Variants in PTPRT observed in about 807,000 individuals in gnomAD.
PTPRT encodes receptor-type tyrosine-protein phosphatase T.
PTPRT carries 56 observed loss-of-function variants against 176.8 expected under a neutral mutation model. The ratio of observed to expected loss-of-function variants is 0.32; its 90% CI spans 0.26 to 0.40. The LOEUF is 0.40. PTPRT is among the 10% of genes least tolerant of loss of function. PTPRT has a pLI of 1.00. For missense variants in PTPRT, 1,540 were observed against 1,908.2 expected, an observed-to-expected ratio of 0.81 and a Z score of 3.60; for synonymous variants, 783 against 739.0, an observed-to-expected ratio of 1.06 and a Z score of -0.96.
At chr20:42,855,161 G>A (rs368661591) in intron 2 of PTPRT, among the ~76,000 whole-genome samples, 1 of 152,142 alleles carries the variant, frequency 6.6e-6, no homozygotes, top group Non-Finnish European at 1.5e-5. Flanking sequence ...TTTCCAATAA[G>A]AGCATGTCAT....
At chr20:42,186,247 CA>C (rs1990777016) in intron 16 of PTPRT, among the ~76,000 whole-genome samples, 1 of 151,972 alleles carries the variant, frequency 6.6e-6, no homozygotes, top group South Asian at 2.1e-4. Context: ...TCAACTCTAC[CA>C]TTGTAGTACA....
chr20:42,703,763 T>C (rs1017642119), intron 6 of PTPRT, among the ~76,000 whole-genome samples: 2 of 152,158 alleles, frequency 1.3e-5, no homozygotes, highest in Non-Finnish European at 2.9e-5. Context: ...ACGTGTGCCT[T>C]AGAGAGCTTT....
intron 1 of PTPRT, among the ~76,000 whole-genome samples, chr20:43,140,587 T>C (rs1198316157): frequency 2.0e-5 from 3 of 152,020 alleles, no homozygotes; most frequent in Non-Finnish European, 1.5e-5. Flanking sequence ...TGGGCTGAGA[T>C]CTTCTAGTTG....
In PTPRT at chr20:42,413,987, A is replaced by G. The variant is rs561267542; in HGVS notation, c.1560+34233T>C. On this transcript the variant is annotated intron_variant, in intron 9 of 30. Coordinates refer to ENST00000373187, the MANE Select transcript of PTPRT (RefSeq NM_007050.6). ...TGCCTCATCCTCCCGAGGAGCCACC[A>G]TGCCCGGCTAATTTTTGTATTTTTA... 2.6e-5 allele frequency among the ~76,000 whole-genome samples: 4 copies of G among 152,196 alleles called. No individual in the cohort carries two copies. In the East Asian group the frequency reaches 7.7e-4, roughly 29 times the overall value.
intron 7 of PTPRT, among the ~76,000 whole-genome samples, chr20:42,663,717 C>T (rs1461063576): frequency 6.6e-6 from 1 of 152,194 alleles, no homozygotes; most frequent in Non-Finnish European, 1.5e-5. Context: ...ATTACTTACA[C>T]TCGTGGTTTT....
intron 4 of PTPRT, 33 bp downstream of exon 4, chr20:42,780,185 C>T (rs1362391443): frequency 6.4e-7 from 1 of 1,564,050 alleles, no homozygotes; most frequent in African/African-American, 1.4e-5. Flanking sequence ...TGGCATGGAT[C>T]AAGGCTGTGT....
intron 1 of PTPRT, among the ~76,000 whole-genome samples, chr20:43,085,758 C>T (rs2011586888): frequency 6.6e-6 from 1 of 152,164 alleles, no homozygotes; most frequent in Non-Finnish European, 1.5e-5. Context: ...CCTTCCCCGA[C>T]ATGTGAGAAT....
At chr20:42,606,962 A>T (rs2073888323) in intron 7 of PTPRT, 1 of 152,220 alleles carries the variant, frequency 6.6e-6, no homozygotes. Context: ...CTCATGGATG[A>T]ATGAATGAAT....
At chr20:42,415,746 C>T (rs553918401) in intron 9 of PTPRT, among the ~76,000 whole-genome samples, 5 of 152,154 alleles carry the variant, frequency 3.3e-5, no homozygotes, top group Non-Finnish European at 7.3e-5. Flanking sequence ...GTTGTTAGCA[C>T]AACTAGTTAG....
chr20:42,965,800 C>T (rs1170072421), intron 1 of PTPRT, among the ~76,000 whole-genome samples: 3 of 152,130 alleles, frequency 2.0e-5, no homozygotes, highest in African/African-American at 7.2e-5. Flanking sequence ...AAACGATACC[C>T]CCATTTAATT....
chr20:42,975,715 G>A (rs1982906450), intron 1 of PTPRT, among the ~76,000 whole-genome samples: 1 of 152,100 alleles, frequency 6.6e-6, no homozygotes, highest in Admixed American at 6.5e-5. Context: ...TTTTCTGGAG[G>A]CTATAGATGG....
intron 7 of PTPRT, among the ~76,000 whole-genome samples, chr20:42,601,358 G>A (rs529988333): frequency 5.3e-5 from 8 of 152,160 alleles, no homozygotes; most frequent in East Asian, 3.9e-4. Flanking sequence ...CATCTCACCC[G>A]TCACAAAAGC....
At chr20:42,306,741 CT>C (rs1459047576) in intron 12 of PTPRT, among the ~76,000 whole-genome samples, 2 of 152,178 alleles carry the variant, frequency 1.3e-5, no homozygotes, top group Admixed American at 6.5e-5. Context: ...AAGACCGTTG[CT>C]TTTCAGGGTG....
chr20:42,209,430 A>C (rs1300824396), intron 15 of PTPRT, among the ~76,000 whole-genome samples: 3 of 152,078 alleles, frequency 2.0e-5, no homozygotes, highest in Non-Finnish European at 4.4e-5. Flanking sequence ...AGAGAGAAGA[A>C]TCTAATAGAC....
In PTPRT at chr20:42,499,292, C is replaced by CT. The variant is rs56128037; in HGVS notation, c.1154-26731dup. On this transcript the variant is annotated intron_variant, in intron 7 of 30. Transcript: ENST00000373187. ...CTGTATATGTGTAAGTTTTGATAAACTTTTTTTTTTTTTTTTGAGACAGAG... is the reference window on the plus strand; with the variant it reads ...CTGTATATGTGTAAGTTTTGATAAACTTTTTTTTTTTTTTTTTGAGACAGAG... 4.4e-3 allele frequency among the ~76,000 whole-genome samples: 621 copies of CT among 140,964 alleles called. 2 individuals are homozygous for CT. Among genetic ancestry groups the CT allele is most frequent in the African/African-American group, 7.0e-3 (272 of 38,724 alleles). The allele number at this position is 140,964 out of a possible 152,430, so 92.5% of individuals were successfully genotyped here. A position where few individuals can be genotyped will look rare whatever the true frequency, so the allele number is the denominator to read the frequency against.
chr20:42,545,064 G>A (rs1191417519), intron 7 of PTPRT, among the ~76,000 whole-genome samples: 1 of 152,168 alleles, frequency 6.6e-6, no homozygotes, highest in Non-Finnish European at 1.5e-5. Context: ...ACCAAGCCAA[G>A]TGCCTCAGGG....
intron 1 of PTPRT, among the ~76,000 whole-genome samples, chr20:43,181,166 G>A (rs1183144302): frequency 6.6e-6 from 1 of 152,076 alleles, no homozygotes; most frequent in Non-Finnish European, 1.5e-5. Flanking sequence ...AGTGAATCCC[G>A]CCAACAGCCA....
chr20:42,195,824 A>G (rs946227450), intron 16 of PTPRT, among the ~76,000 whole-genome samples: 1 of 152,230 alleles, frequency 6.6e-6, no homozygotes, highest in Non-Finnish European at 1.5e-5. Flanking sequence ...ATATGCACAC[A>G]CATACATACA....
At chr20:42,549,286 A>T (rs2072727490) in intron 7 of PTPRT, among the ~76,000 whole-genome samples, 1 of 152,162 alleles carries the variant, frequency 6.6e-6, no homozygotes, top group African/African-American at 2.4e-5. Context: ...TGGAAGTTAA[A>T]AAAATAGTAC....
Sources: allele counts gnomAD v4.1 joint callset (sites outside exome capture counted in the v4.1 genomes callset), GRCh38; gene constraint gnomAD v4.1.1; transcripts MANE v1.5; gene names NCBI Gene and HGNC (gene_info 2026-07-23, HGNC 2026-07-21).